Variants in CDH13 observed in about 807,000 individuals in gnomAD.
The protein encoded by CDH13 is cadherin 13, also known as cadherin-13.
A neutral mutation model predicts 63.8 loss-of-function variants in CDH13; 24 were observed. That is an observed-to-expected ratio of 0.38 (90% CI 0.27 to 0.53). The LOEUF is 0.53. Among genes scored for constraint, CDH13 ranks in the 20% least tolerant of loss-of-function variants. The pLI, the probability that CDH13 is intolerant of heterozygous loss-of-function variation, is 0.85. For missense variants in CDH13, 1,049 were observed against 903.1 expected, an observed-to-expected ratio of 1.16 and a Z score of -2.07; for synonymous variants, 503 against 355.3, an observed-to-expected ratio of 1.42 and a Z score of -4.67.
chr16:82,806,477 C>T (rs148786689), intron 1 of CDH13, among the ~76,000 whole-genome samples: 320 of 152,246 alleles, frequency 2.1e-3, no homozygotes, highest in African/African-American at 7.2e-3. Context: ...TTTTGTTATT[C>T]TTGAGCTCTC....
At chr16:82,924,156 A>G (rs1264776626) in intron 2 of CDH13, among the ~76,000 whole-genome samples, 1 of 152,238 alleles carries the variant, frequency 6.6e-6, no homozygotes, top group Non-Finnish European at 1.5e-5. Flanking sequence ...AACTAGTTAT[A>G]CATTGCTTTT....
intron 6 of CDH13, among the ~76,000 whole-genome samples, chr16:83,406,117 A>C (rs1376653699): frequency 3.9e-5 from 6 of 152,210 alleles, no homozygotes; most frequent in African/African-American, 1.2e-4. Flanking sequence ...GGTGACCTCC[A>C]GCCAGTGGGG....
At chr16:82,857,315 A>G (rs1381554992) in intron 1 of CDH13, among the ~76,000 whole-genome samples, 2 of 152,238 alleles carry the variant, frequency 1.3e-5, no homozygotes, top group Non-Finnish European at 2.9e-5. Context: ...ATTAATGGCC[A>G]AATACTAAGG....
intron 1 of CDH13, among the ~76,000 whole-genome samples, chr16:82,818,325 G>A (rs1447529014): frequency 6.6e-6 from 1 of 151,996 alleles, no homozygotes; most frequent in South Asian, 2.1e-4. Context: ...TTCAAACTAA[G>A]GACTAAAAGA....
At chr16:82,726,248 T>G (rs2033087331) in intron 1 of CDH13, among the ~76,000 whole-genome samples, 1 of 152,150 alleles carries the variant, frequency 6.6e-6, no homozygotes, top group Non-Finnish European at 1.5e-5. Context: ...GGCAAACTTT[T>G]CCTGTAAAGT....
At chr16:83,123,532 G>A (rs1406670657) in intron 3 of CDH13, among the ~76,000 whole-genome samples, 2 of 152,082 alleles carry the variant, frequency 1.3e-5, no homozygotes, top group African/African-American at 4.8e-5. Context: ...ACCCTCCTCA[G>A]CCTCCCAAAG....
intron 2 of CDH13, among the ~76,000 whole-genome samples, chr16:82,880,430 C>T (rs1261156825): frequency 6.6e-6 from 1 of 152,146 alleles, no homozygotes; most frequent in African/African-American, 2.4e-5. Context: ...CGAGGGCCTT[C>T]ATCTAATTCA....
At chr16:82,772,018 T>G (rs2151098011) in intron 1 of CDH13, among the ~76,000 whole-genome samples, 1 of 152,320 alleles carries the variant, frequency 6.6e-6, no homozygotes. Context: ...GTACTTCATG[T>G]GTTACAGACA....
chr16:83,320,009 G>A (rs2090186899), intron 5 of CDH13, among the ~76,000 whole-genome samples: 1 of 152,174 alleles, frequency 6.6e-6, no homozygotes, highest in South Asian at 2.1e-4. Context: ...GACACAGGTG[G>A]TCACACCTCA....
intron 7 of CDH13, among the ~76,000 whole-genome samples, chr16:83,598,129 G>A (rs1378326705): frequency 6.6e-6 from 1 of 152,204 alleles, no homozygotes; most frequent in Admixed American, 6.5e-5. Flanking sequence ...ACTTTGGGAG[G>A]CCAAGGTGGG....
chr16:83,339,149 C>G (rs559118972), intron 5 of CDH13, among the ~76,000 whole-genome samples: 13 of 152,152 alleles, frequency 8.5e-5, no homozygotes, highest in African/African-American at 3.1e-4. Flanking sequence ...GGAAGTGAAA[C>G]AATGGATGTG....
intron 6 of CDH13, among the ~76,000 whole-genome samples, chr16:83,423,160 A>G (rs1427657539): frequency 2.6e-5 from 4 of 152,188 alleles, no homozygotes; most frequent in Non-Finnish European, 5.9e-5. Flanking sequence ...CCAGGGTCCC[A>G]CAAAAATCTG....
At chr16:82,873,281 G>A (rs2151191909) in intron 2 of CDH13, among the ~76,000 whole-genome samples, 1 of 152,274 alleles carries the variant, frequency 6.6e-6, no homozygotes, top group Non-Finnish European at 1.5e-5. Context: ...CAAATGTCTT[G>A]CAAATAGGAT....
intron 13 of CDH13, among the ~76,000 whole-genome samples, chr16:83,793,736 T>TGGGAGGCGGAGGTTGCA: frequency 6.6e-6 from 1 of 150,844 alleles, no homozygotes; most frequent in Non-Finnish European, 1.5e-5. Context: ...CGCTCAAACC[T>TGGGAGGCGGAGGTTGCA]GGGAGGCGGA....
At chr16:83,291,122 T>C (rs1049509089) in intron 5 of CDH13, among the ~76,000 whole-genome samples, 7 of 152,326 alleles carry the variant, frequency 4.6e-5, no homozygotes, top group Admixed American at 4.6e-4. Flanking sequence ...CAACCTGATC[T>C]CATTCATCTT....
At chr16:83,311,077 T>C (rs2151885497) in intron 5 of CDH13, among the ~76,000 whole-genome samples, 1 of 152,314 alleles carries the variant, frequency 6.6e-6, no homozygotes, top group Non-Finnish European at 1.5e-5. Flanking sequence ...GTTTTACTGC[T>C]CTCCTGCTCC....
chr16:83,118,101 C>G (rs1234505467), intron 3 of CDH13, among the ~76,000 whole-genome samples: 2 of 152,194 alleles, frequency 1.3e-5, no homozygotes, highest in African/African-American at 4.8e-5. Flanking sequence ...GAGGCTGCAG[C>G]AGGCCTCGGA....
At chr16:83,524,614 A>G (rs2074915595) in intron 7 of CDH13, among the ~76,000 whole-genome samples, 1 of 151,336 alleles carries the variant, frequency 6.6e-6, no homozygotes, top group Admixed American at 6.6e-5. Context: ...CACCACACCC[A>G]GCTAATTTTT....
rs143228726 is a variant in CDH13 at position 83,535,905 on chromosome 16, G to T, written c.960+49250G>T. ...AGAAAGAGAAACAAAGAAAAGAAAA[G>T]GAAAAAAAGGAAAGAAGGAAAGAAG... On this transcript the variant is annotated intron_variant, in intron 7 of 13. Coordinates refer to ENST00000567109, the MANE Select transcript of CDH13 (RefSeq NM_001257.5). Among the ~76,000 whole-genome samples, 166 of 145,204 alleles carry T rather than the reference G, an allele frequency of 1.1e-3. 1 individual carries two copies. Among genetic ancestry groups the T allele is most frequent in the African/African-American group, 3.9e-3 (154 of 39,260 alleles).
Sources: allele counts gnomAD v4.1 joint callset (sites outside exome capture counted in the v4.1 genomes callset), GRCh38; gene constraint gnomAD v4.1.1; transcripts MANE v1.5; gene names NCBI Gene and HGNC (gene_info 2026-07-23, HGNC 2026-07-21).